The following RAD51B variants were observed in gnomAD, a reference collection of about 807,000 sequenced individuals.
RAD51B encodes DNA repair protein RAD51 homolog 2.
A neutral mutation model predicts 42.2 loss-of-function variants in RAD51B; 38 were observed. That is an observed-to-expected ratio of 0.90 (90% CI 0.70 to 1.18). The LOEUF (loss-of-function observed/expected upper bound fraction) is 1.18, where lower values mean the gene tolerates loss of function less well. Among genes scored for constraint, RAD51B ranks in the 50% most tolerant of loss-of-function variants. The probability of loss-of-function intolerance (pLI) is 0.00; values close to 1 mark genes in which losing one functional copy is unlikely to be tolerated. For missense variants in RAD51B, 373 were observed against 400.7 expected (o/e 0.93, Z 0.59); for synonymous variants, 154 against 145.2 (o/e 1.06, Z -0.43).
intron 8 of RAD51B, among the ~76,000 whole-genome samples, chr14:68,390,842 G>C (rs1022582338): frequency 6.6e-6 from 1 of 152,204 alleles, no homozygotes; most frequent in African/African-American, 2.4e-5. Context: ...GAGATACATA[G>C]AGAAAGAGCG....
chr14:68,573,006 A>T (rs1889786609), intron 10 of RAD51B, among the ~76,000 whole-genome samples: 2 of 152,156 alleles, frequency 1.3e-5, no homozygotes, highest in South Asian at 4.1e-4. Context: ...TATGTGATGG[A>T]GTCGGGGAAT....
intron 10 of RAD51B, among the ~76,000 whole-genome samples, chr14:68,606,964 A>G (rs947714697): frequency 1.3e-5 from 2 of 152,210 alleles, no homozygotes; most frequent in Non-Finnish European, 2.9e-5. Flanking sequence ...GCATGTTGAA[A>G]TTAGGGAGTG....
intron 7 of RAD51B, among the ~76,000 whole-genome samples, chr14:68,208,392 T>A (rs1490602754): frequency 6.6e-6 from 1 of 152,216 alleles, no homozygotes; most frequent in Non-Finnish European, 1.5e-5. Flanking sequence ...CATGCTTTCT[T>A]TTGGAGAGAA....
chr14:67,830,161 T>G (rs1297780756), intron 3 of RAD51B, among the ~76,000 whole-genome samples: 1 of 152,134 alleles, frequency 6.6e-6, no homozygotes, highest in Non-Finnish European at 1.5e-5. Flanking sequence ...AGTCAGATTA[T>G]TAGGGCTTTG....
chr14:68,612,019 G>A (rs1226958457), downstream of RAD51B, among the ~76,000 whole-genome samples: 1 of 152,222 alleles, frequency 6.6e-6, no homozygotes, highest in Non-Finnish European at 1.5e-5. Context: ...ATGCCAACCT[G>A]AGCTGGTATA....
intron 7 of RAD51B, among the ~76,000 whole-genome samples, chr14:68,118,534 T>C (rs1391272484): frequency 6.6e-6 from 1 of 152,222 alleles, no homozygotes; most frequent in African/African-American, 2.4e-5. Flanking sequence ...ATGTCTTTTA[T>C]TTATTGGATT....
intron 7 of RAD51B, among the ~76,000 whole-genome samples, chr14:68,024,561 T>G (rs1326925903): frequency 2.0e-5 from 3 of 152,172 alleles, no homozygotes; most frequent in African/African-American, 7.2e-5. Flanking sequence ...CCCTCCTTGG[T>G]TTGATGTATT....
intron 7 of RAD51B, among the ~76,000 whole-genome samples, chr14:68,004,425 G>A (rs529091897): frequency 1.2e-3 from 180 of 150,584 alleles, no homozygotes; most frequent in African/African-American, 4.2e-3. Flanking sequence ...TTGTAGTACC[G>A]ATTTTTCTTT....
chr14:67,925,197 T>A (rs951868765), intron 7 of RAD51B, among the ~76,000 whole-genome samples: 1 of 152,204 alleles, frequency 6.6e-6, no homozygotes, highest in Non-Finnish European at 1.5e-5. Context: ...GCCCCCCTCC[T>A]AGCTGCCTTC....
At chr14:68,241,547 T>A (rs2080387920) in intron 7 of RAD51B, among the ~76,000 whole-genome samples, 2 of 151,804 alleles carry the variant, frequency 1.3e-5, no homozygotes, top group African/African-American at 2.4e-5. Context: ...TCTCAAAATA[T>A]AAAAAAATAA....
intron 7 of RAD51B, among the ~76,000 whole-genome samples, chr14:68,193,089 A>G (rs2079299410): frequency 6.6e-6 from 1 of 152,072 alleles, no homozygotes; most frequent in South Asian, 2.1e-4. Context: ...TCACTTGTTG[A>G]TCCCGCGTGA....
intron 10 of RAD51B, among the ~76,000 whole-genome samples, chr14:68,590,085 C>A (rs566983554): frequency 6.6e-6 from 1 of 152,330 alleles, no homozygotes; most frequent in South Asian, 2.1e-4. Flanking sequence ...CTCTGCCTAG[C>A]CTCACACAGG....
chr14:67,869,508 C>G (rs533598301), intron 5 of RAD51B, among the ~76,000 whole-genome samples: 28 of 152,318 alleles, frequency 1.8e-4, no homozygotes, highest in African/African-American at 6.5e-4. Context: ...TTGGAAAACA[C>G]TCTGCAGGAT....
chr14:68,024,774 C>A (rs1263962441), intron 7 of RAD51B, among the ~76,000 whole-genome samples: 2 of 152,058 alleles, frequency 1.3e-5, no homozygotes, highest in Non-Finnish European at 2.9e-5. Flanking sequence ...GGTATGAAAT[C>A]ATATTGTCAG....
At chr14:68,119,285 C>A (rs959870098) in intron 7 of RAD51B, among the ~76,000 whole-genome samples, 2 of 148,314 alleles carry the variant, frequency 1.3e-5, no homozygotes, top group African/African-American at 2.5e-5. Flanking sequence ...TTTTTTACAA[C>A]TATTTTATCA....
At chr14:68,221,794 C>G (rs2079932679) in intron 7 of RAD51B, among the ~76,000 whole-genome samples, 1 of 152,152 alleles carries the variant, frequency 6.6e-6, no homozygotes, top group Non-Finnish European at 1.5e-5. Context: ...ATACATGTGA[C>G]AAAGGACTAA....
chr14:67,918,561 T>C (rs2044229205), intron 7 of RAD51B, among the ~76,000 whole-genome samples: 2 of 152,112 alleles, frequency 1.3e-5, no homozygotes, highest in African/African-American at 4.8e-5. Flanking sequence ...AGTGAAACAA[T>C]GCAAGAAAAA....
chr14:68,220,115 C>T (rs2079895072), intron 7 of RAD51B, among the ~76,000 whole-genome samples: 1 of 152,078 alleles, frequency 6.6e-6, no homozygotes, highest in African/African-American at 2.4e-5. Flanking sequence ...TTCAAATTAA[C>T]CCAATCCATC....
At chr14:68,181,048 C>T (rs1339976919) in intron 7 of RAD51B, among the ~76,000 whole-genome samples, 1 of 152,176 alleles carries the variant, frequency 6.6e-6, no homozygotes, top group African/African-American at 2.4e-5. Context: ...CCATTAGTTA[C>T]ATCAATGTTT....
Sources: gnomAD v4.1 joint callset for allele counts (sites outside exome capture counted in the v4.1 genomes callset) on GRCh38, gnomAD v4.1.1 for gene constraint, MANE v1.5 for transcripts, NCBI Gene and HGNC (gene_info 2026-07-23, HGNC 2026-07-21) for gene names.